SHTN1: variants seen among roughly 807,000 people sequenced by gnomAD.
SHTN1 encodes the protein shootin 1, also known as shootin-1.
In SHTN1, 42 loss-of-function variants were observed where a neutral mutation model predicts 83.1. That is an observed-to-expected ratio of 0.51 (90% CI 0.39 to 0.65). The LOEUF (loss-of-function observed/expected upper bound fraction) is 0.65. SHTN1 is among the 30% of genes least tolerant of loss of function. The pLI, the probability that SHTN1 is intolerant of heterozygous loss-of-function variation, is 0.00. For synonymous variants in SHTN1, 224 were observed against 247.7 expected (o/e 0.90, Z 0.90); for missense variants, 622 against 737.8 (o/e 0.84, Z 1.82).
chr10:117,048,980 C>A (rs913144804), intron 1 of SHTN1, among the ~76,000 whole-genome samples: 3 of 152,154 alleles, frequency 2.0e-5, no homozygotes, highest in Admixed American at 6.5e-5. Context: ...CCTAGCCTTT[C>A]GGAGTCTCAA....
intron 2 of SHTN1, among the ~76,000 whole-genome samples, chr10:117,041,099 C>T (rs1468746075): frequency 2.0e-5 from 3 of 151,916 alleles, no homozygotes; most frequent in Non-Finnish European, 4.4e-5. Flanking sequence ...CCCTCCCACC[C>T]CCGCCACCCC....
At chr10:117,111,978 T>C (rs1417958454) in intron 1 of SHTN1, among the ~76,000 whole-genome samples, 1 of 152,082 alleles carries the variant, frequency 6.6e-6, no homozygotes, top group Non-Finnish European at 1.5e-5. Context: ...TTTTGTTTTT[T>C]CTTTTGAGAC....
chr10:116,903,745 C>T (rs1847846308), intron 15 of SHTN1, among the ~76,000 whole-genome samples: 1 of 152,132 alleles, frequency 6.6e-6, no homozygotes, highest in Non-Finnish European at 1.5e-5. Flanking sequence ...ACAATCTGTC[C>T]TTGTAAGAAA....
intron 1 of SHTN1, among the ~76,000 whole-genome samples, chr10:117,077,447 C>T (rs934600176): frequency 2.0e-5 from 3 of 151,970 alleles, no homozygotes; most frequent in South Asian, 2.1e-4. Flanking sequence ...GGAGCAATCA[C>T]CAAAATCTTT....
chr10:116,992,691 T>TA (rs1851482796), intron 1 of SHTN1, among the ~76,000 whole-genome samples: 1 of 152,134 alleles, frequency 6.6e-6, no homozygotes, highest in African/African-American at 2.4e-5. Context: ...AGATGATTCT[T>TA]AGAGGGGACA....
At chr10:117,030,677 C>T (rs1852402146) in intron 2 of SHTN1, among the ~76,000 whole-genome samples, 1 of 151,848 alleles carries the variant, frequency 6.6e-6, no homozygotes, top group Admixed American at 6.6e-5. Flanking sequence ...TAGAAAGAAT[C>T]AAGCAGAAAT....
intron 1 of SHTN1, among the ~76,000 whole-genome samples, chr10:116,997,545 C>T (rs552789667): frequency 6.6e-6 from 1 of 152,286 alleles, no homozygotes; most frequent in African/African-American, 2.4e-5. Flanking sequence ...TTCTGCAGAA[C>T]GTCTCTCAAT....
chr10:116,915,392 C>CTGT lies in SHTN1; in HGVS notation c.1285_1287dup (p.Thr429dup). On this transcript the variant is annotated inframe_insertion, in exon 13 of 17. Coordinates refer to ENST00000355371, the MANE Select transcript of SHTN1 (RefSeq NM_001127211.3). The stretch of plus-strand genomic sequence containing the variant: ...CTCCATACCTTTGTCTTCGGTCTGG[C>CTGT]TGTCTGATTAACGGGTCTAAGATGA... 6.3e-7 allele frequency: 1 copy of CTGT among 1,585,992 alleles called. No homozygotes were observed. The highest frequency in any genetic ancestry group is 8.7e-7 in the Non-Finnish European group (1 of 1,154,556).
At position 116,985,318 on chromosome 10, in the gene SHTN1, G is replaced by C. The variant is rs191673791; in HGVS notation, c.59-6010C>G. Reference sequence around the variant, plus strand: ...TTACAAACAAAGACACAAATGCATAGAGAAGTCAAATCCCACAATACAGAA... The same window carrying C: ...TTACAAACAAAGACACAAATGCATACAGAAGTCAAATCCCACAATACAGAA... On this transcript the variant is annotated intron_variant, in intron 1 of 16. Transcript: ENST00000355371. Among the ~76,000 whole-genome samples the C allele has an allele frequency of 4.6e-4, 70 of 152,280 alleles. 1 individual carries two copies. The Middle Eastern group carries it at 0.01, about 22-fold the overall frequency.
intron 1 of SHTN1, among the ~76,000 whole-genome samples, chr10:117,086,209 C>T (rs1010652777): frequency 1.1e-4 from 17 of 152,248 alleles, no homozygotes; most frequent in African/African-American, 2.6e-4. Flanking sequence ...TGAGCCACCG[C>T]GTCCATCATG....
At chr10:117,028,901 C>T (rs1001089797) in intron 2 of SHTN1, among the ~76,000 whole-genome samples, 1 of 152,194 alleles carries the variant, frequency 6.6e-6, no homozygotes, top group African/African-American at 2.4e-5. Context: ...GCAGAGCCCC[C>T]ACTGAGGCAC....
At chr10:116,928,457 T>C (rs921234752) in intron 10 of SHTN1, among the ~76,000 whole-genome samples, 2 of 152,208 alleles carry the variant, frequency 1.3e-5, no homozygotes, top group Non-Finnish European at 2.9e-5. Flanking sequence ...CCTTCAAGTC[T>C]TTCATGAGGA....
intron 1 of SHTN1, among the ~76,000 whole-genome samples, chr10:117,109,024 C>T (rs909745590): frequency 1.1e-4 from 17 of 152,090 alleles, no homozygotes; most frequent in Non-Finnish European, 1.6e-4. Context: ...AGTGGTGGGC[C>T]GCTGCAATGT....
intron 1 of SHTN1, among the ~76,000 whole-genome samples, chr10:117,050,549 A>C (rs1379646314): frequency 6.6e-6 from 1 of 152,186 alleles, no homozygotes; most frequent in African/African-American, 2.4e-5. Context: ...AGAGCAAACC[A>C]AACCCAAAGT....
intron 2 of SHTN1, among the ~76,000 whole-genome samples, chr10:117,011,787 T>C (rs1044886797): frequency 2.1e-4 from 32 of 152,004 alleles, no homozygotes; most frequent in Non-Finnish European, 7.4e-5. Flanking sequence ...AAGTATAAAA[T>C]GCTGATGAAA....
chr10:116,881,725 C>G lies in SHTN1; in HGVS notation c.*4619G>C. 4 of 1,316,080 alleles carry G rather than the reference C, an allele frequency of 3.0e-6. No homozygotes were observed. The highest frequency in any genetic ancestry group is 3.0e-6 in the Non-Finnish European group (3 of 1,016,784). 81.5% of individuals were successfully genotyped at this position (1,316,080 alleles called of 1,614,324 possible). ...CATCAGTATTAGTAGACCGGGAGGT[C>G]TGAAGTACGGCGCCGTGTCTCCACA... On this transcript the variant is annotated 3_prime_UTR_variant, in exon 17 of 17. Coordinates refer to ENST00000355371, the MANE Select transcript of SHTN1 (RefSeq NM_001127211.3).
intron 15 of SHTN1, among the ~76,000 whole-genome samples, chr10:116,904,040 T>C (rs1847861669): frequency 2.0e-5 from 3 of 152,184 alleles, no homozygotes; most frequent in African/African-American, 7.2e-5. Flanking sequence ...ACATCCTTTG[T>C]CCCTGGGGCA....
intron 1 of SHTN1, among the ~76,000 whole-genome samples, chr10:117,082,720 C>T (rs201103912): frequency 0.02 from 3,022 of 150,220 alleles, 77 homozygotes; most frequent in East Asian, 0.11. Context: ...CTGGGTGCTC[C>T]TGTATTGGGT....
intron 3 of SHTN1, among the ~76,000 whole-genome samples, chr10:116,966,277 C>T (rs1156351857): frequency 6.6e-6 from 1 of 152,058 alleles, no homozygotes; most frequent in East Asian, 1.9e-4. Context: ...CAAAGTGCTG[C>T]GATTACAGGC....
Sources: gnomAD v4.1 joint callset for allele counts (sites outside exome capture counted in the v4.1 genomes callset) on GRCh38, gnomAD v4.1.1 for gene constraint, MANE v1.5 for transcripts, NCBI Gene and HGNC (gene_info 2026-07-23, HGNC 2026-07-21) for gene names.